CPA6: variants seen among roughly 807,000 people sequenced by gnomAD.
CPA6 encodes carboxypeptidase A6.
In CPA6, 58 loss-of-function variants were observed where a neutral mutation model predicts 63.3. The observed-to-expected ratio is 0.92, with a 90% confidence interval of 0.74 to 1.14. CPA6 has a LOEUF of 1.14. Ranked by LOEUF, CPA6 falls within the 50% of genes most tolerant of loss-of-function variation. The pLI is 0.00. For missense variants in CPA6, 565 were observed against 526.6 expected, an observed-to-expected ratio of 1.07 and a Z score of -0.71; for synonymous variants, 185 against 179.0, an observed-to-expected ratio of 1.03 and a Z score of -0.27.
At position 67,658,056 on chromosome 8, in the gene CPA6, G is replaced by A. The variant is rs191209298; in HGVS notation, c.117-33805C>T. Among the ~76,000 whole-genome samples the A allele has an allele frequency of 1.3e-3, 195 of 152,252 alleles. 1 individual carries two copies. Among genetic ancestry groups the A allele is most frequent in the Middle Eastern group, 3.4e-3 (1 of 294 alleles). ...GCGTCCTTTTCGTTTCCTTGGAGTG[G>A]TGTGCTGACTCAGACCTTTCTTGTC... On this transcript the variant is annotated intron_variant, in intron 1 of 10. Transcript: ENST00000297770.
At chr8:67,518,179 C>T (rs1052745942) in intron 2 of CPA6, 132 bp from the exon 3 acceptor site, 71 of 745,714 alleles carry the variant, frequency 9.5e-5, no homozygotes, top group Non-Finnish European at 1.3e-4. Flanking sequence ...TTAATGCTTG[C>T]ATCATCAGGG....
chr8:67,625,835 CA>C (rs1453610515), intron 1 of CPA6, among the ~76,000 whole-genome samples: 1 of 152,142 alleles, frequency 6.6e-6, no homozygotes. Context: ...ATGGAATTTG[CA>C]TGATTTTCTG....
chr8:67,670,438 G>T (rs1242791168), intron 1 of CPA6, among the ~76,000 whole-genome samples: 1 of 152,140 alleles, frequency 6.6e-6, no homozygotes, highest in African/African-American at 2.4e-5. Context: ...CTAACTCTGG[G>T]GGGCTTACAA....
chr8:67,634,379 C>T (rs888117866), intron 1 of CPA6, among the ~76,000 whole-genome samples: 3 of 150,872 alleles, frequency 2.0e-5, no homozygotes, highest in Non-Finnish European at 4.4e-5. Context: ...CTACCACGCC[C>T]GGCTAATTTT....
chr8:67,651,036 G>C (rs1234008145), intron 1 of CPA6, among the ~76,000 whole-genome samples: 6 of 152,174 alleles, frequency 3.9e-5, no homozygotes, highest in Admixed American at 3.3e-4. Context: ...TAGCCACTGA[G>C]AAGCCAAAGA....
chr8:67,729,104 C>T (rs976975962), intron 1 of CPA6, among the ~76,000 whole-genome samples: 8 of 152,176 alleles, frequency 5.3e-5, no homozygotes, highest in African/African-American at 1.9e-4. Context: ...GGTGCCTGAA[C>T]CATAGTGTCA....
intron 8 of CPA6, among the ~76,000 whole-genome samples, chr8:67,459,225 A>C (rs1810745294): frequency 6.6e-6 from 1 of 152,160 alleles, no homozygotes; most frequent in South Asian, 2.1e-4. Flanking sequence ...GGGTTTTGCC[A>C]CATTGTTCAG....
chr8:67,477,491 G>A (rs1393900), intron 8 of CPA6, among the ~76,000 whole-genome samples: 57,539 of 151,812 alleles, frequency 0.38, 11,196 homozygotes, highest in African/African-American at 0.48. Flanking sequence ...CAGGATCCCA[G>A]ATAATTTCTT....
At chr8:67,531,558 G>T (rs4278136) in intron 2 of CPA6, among the ~76,000 whole-genome samples, 1 of 151,730 alleles carries the variant, frequency 6.6e-6, no homozygotes, top group Non-Finnish European at 1.5e-5. Flanking sequence ...AAATGTATAC[G>T]TATATACATA....
In CPA6 at chr8:67,631,574, T is replaced by G. The variant is rs558605760; in HGVS notation, c.117-7323A>C. Reference sequence around the variant, plus strand: ...CTGTAAAATGGACCAATCAGCTCTCTGTAAAATGGACCAATCAGCAGGATG... The same window carrying G: ...CTGTAAAATGGACCAATCAGCTCTCGGTAAAATGGACCAATCAGCAGGATG... On this transcript the variant is annotated intron_variant, in intron 1 of 10. Coordinates refer to ENST00000297770, the MANE Select transcript of CPA6 (RefSeq NM_020361.5). 5.5e-4 allele frequency among the ~76,000 whole-genome samples: 84 copies of G among 152,272 alleles called. 1 individual carries two copies. Among genetic ancestry groups the G allele is most frequent in the African/African-American group, 2.0e-3 (83 of 41,572 alleles).
chr8:67,726,408 C>T lies in CPA6; in HGVS notation c.116+19606G>A, dbSNP rs536652280. Among the ~76,000 whole-genome samples, 6 of 152,252 alleles carry T rather than the reference C, an allele frequency of 3.9e-5. No homozygotes were observed. In the South Asian group the frequency reaches 6.2e-4, roughly 16 times the overall value. ...CCTAGCCTTCTTTGGCAAATGACGA[C>T]GTTTAACCTGGACGAGGTTCTAACG... On this transcript the variant is annotated intron_variant, in intron 1 of 10. Transcript: ENST00000297770.
At chr8:67,592,229 G>T (rs1304557659) in intron 2 of CPA6, among the ~76,000 whole-genome samples, 2 of 152,192 alleles carry the variant, frequency 1.3e-5, no homozygotes, top group Non-Finnish European at 2.9e-5. Flanking sequence ...GCATCCCAGG[G>T]ATGAAGCCCA....
chr8:67,611,375 C>T (rs568940114), intron 2 of CPA6, among the ~76,000 whole-genome samples: 70 of 152,162 alleles, frequency 4.6e-4, no homozygotes, highest in Non-Finnish European at 8.7e-4. Context: ...TGAGGGATTA[C>T]ACCACGCCCA....
At chr8:67,455,807 T>C (rs1289420151) in intron 8 of CPA6, among the ~76,000 whole-genome samples, 2 of 151,896 alleles carry the variant, frequency 1.3e-5, no homozygotes, top group African/African-American at 4.8e-5. Context: ...CACCAACTCC[T>C]GGGCTTAGGT....
At chr8:67,556,452 T>A (rs904560984) in intron 2 of CPA6, among the ~76,000 whole-genome samples, 2 of 152,178 alleles carry the variant, frequency 1.3e-5, no homozygotes, top group East Asian at 3.9e-4. Context: ...GAGACTCAGC[T>A]GGGAGGTCAG....
intron 9 of CPA6, among the ~76,000 whole-genome samples, chr8:67,432,291 A>T (rs1440458194): frequency 1.3e-5 from 2 of 152,222 alleles, no homozygotes; most frequent in Non-Finnish European, 2.9e-5. Flanking sequence ...CTATGTAATG[A>T]AATCGTCATG....
chr8:67,699,632 G>C (rs540012948), intron 1 of CPA6, among the ~76,000 whole-genome samples: 9 of 151,410 alleles, frequency 5.9e-5, no homozygotes, highest in African/African-American at 2.2e-4. Flanking sequence ...TTGTTGCCCA[G>C]GCTGGAGTAC....
chr8:67,517,755 T>C (rs958069064), intron 3 of CPA6, among the ~76,000 whole-genome samples, 168 bp downstream of exon 3: 4 of 152,202 alleles, frequency 2.6e-5, no homozygotes, highest in South Asian at 4.1e-4. Context: ...CCATCCCCCA[T>C]TGGACTAATA....
At chr8:67,653,153 A>G (rs1337802893) in intron 1 of CPA6, among the ~76,000 whole-genome samples, 2 of 150,764 alleles carry the variant, frequency 1.3e-5, no homozygotes, top group Non-Finnish European at 1.5e-5. Context: ...GCCTTGTAGT[A>G]TAGTTTGAAG....
Sources: gnomAD v4.1 joint callset for allele counts (sites outside exome capture counted in the v4.1 genomes callset) on GRCh38, gnomAD v4.1.1 for gene constraint, MANE v1.5 for transcripts, NCBI Gene and HGNC (gene_info 2026-07-23, HGNC 2026-07-21) for gene names.